SV2C: variants seen among roughly 807,000 people sequenced by gnomAD.
The protein encoded by SV2C is synaptic vesicle glycoprotein 2C.
Under a neutral mutation model 79.7 loss-of-function variants are expected in SV2C, and 49 were observed. The ratio of observed to expected loss-of-function variants is 0.61; its 90% CI spans 0.49 to 0.78. The LOEUF (loss-of-function observed/expected upper bound fraction) is 0.78. Ranked by LOEUF, SV2C falls within the 30% of genes least tolerant of loss-of-function variation. The pLI is 0.00. For synonymous variants in SV2C, 334 were observed against 333.2 expected (o/e 1.00, Z -0.03); for missense variants, 833 against 912.9 (o/e 0.91, Z 1.13).
chr5:76,178,296 A>G (rs1480002589), intron 2 of SV2C, among the ~76,000 whole-genome samples: 1 of 152,260 alleles, frequency 6.6e-6, no homozygotes, highest in Non-Finnish European at 1.5e-5. Context: ...TCATGGGAAG[A>G]GCATTGCAGA....
At chr5:76,197,517 G>C (rs989578496) in intron 3 of SV2C, among the ~76,000 whole-genome samples, 1 of 152,080 alleles carries the variant, frequency 6.6e-6, no homozygotes, top group African/African-American at 2.4e-5. Context: ...CAGGGCTGAG[G>C]GGGGAGTCAT....
the SV2C span, among the ~76,000 whole-genome samples, chr5:75,864,174 C>CT: frequency 0.014 from 2,154 of 152,116 alleles, 46 homozygotes; most frequent in African/African-American, 0.046. Flanking sequence ...GCAAAAAGTT[C>CT]TTTTTTTATA....
chr5:76,036,312 G>C, the SV2C span, among the ~76,000 whole-genome samples: 1 of 151,694 alleles, frequency 6.6e-6, no homozygotes. Context: ...TATTTTGCTC[G>C]TTAGTTGATG....
At chr5:76,211,954 T>C (rs530427444) in intron 4 of SV2C, among the ~76,000 whole-genome samples, 7 of 152,208 alleles carry the variant, frequency 4.6e-5, no homozygotes, top group Non-Finnish European at 8.8e-5. Context: ...AACATTTACA[T>C]TGAGTTCAGG....
At chr5:76,066,082 G>A in the SV2C span, among the ~76,000 whole-genome samples, 1 of 152,084 alleles carries the variant, frequency 6.6e-6, no homozygotes, top group Admixed American at 6.5e-5. Flanking sequence ...ATTTGACCCA[G>A]CCATCCCATT....
the SV2C span, among the ~76,000 whole-genome samples, chr5:76,018,848 A>T: frequency 6.6e-6 from 1 of 152,196 alleles, no homozygotes; most frequent in African/African-American, 2.4e-5. Context: ...TTCCCTGAAG[A>T]TTGGATTAAG....
the SV2C span, among the ~76,000 whole-genome samples, chr5:75,855,643 T>G: frequency 6.6e-6 from 1 of 152,188 alleles, no homozygotes; most frequent in Non-Finnish European, 1.5e-5. Context: ...ATCAGTGATC[T>G]TTTAAAATTT....
At chr5:75,910,205 A>T in the SV2C span, 1 of 369,852 alleles carries the variant, frequency 2.7e-6, no homozygotes, top group South Asian at 2.2e-5. Context: ...GGGTGGCTGA[A>T]GCAGGTGGAT....
chr5:76,214,232 A>G (rs903455868), intron 4 of SV2C, among the ~76,000 whole-genome samples: 1 of 152,122 alleles, frequency 6.6e-6, no homozygotes, highest in African/African-American at 2.4e-5. Flanking sequence ...GGAGGTTCCA[A>G]TTTCATTCTT....
intron 4 of SV2C, among the ~76,000 whole-genome samples, chr5:76,257,010 T>G (rs1746288632): frequency 6.6e-6 from 1 of 152,224 alleles, no homozygotes; most frequent in Non-Finnish European, 1.5e-5. Flanking sequence ...TTAATCTACC[T>G]CTGTATCAAA....
the SV2C span, chr5:75,911,134 A>T: frequency 6.4e-7 from 1 of 1,570,640 alleles, no homozygotes; most frequent in Non-Finnish European, 8.7e-7. Context: ...AGATGAGGAA[A>T]TAGAGAAGGA....
At chr5:76,173,929 T>C in intron 2 of SV2C, 1 of 1,582,260 alleles carries the variant, frequency 6.3e-7, no homozygotes, top group South Asian at 1.1e-5. Flanking sequence ...TGGACTGTGC[T>C]GTGATGGAAT....
At chr5:75,919,211 C>A in the SV2C span, among the ~76,000 whole-genome samples, 1 of 152,182 alleles carries the variant, frequency 6.6e-6, no homozygotes, top group African/African-American at 2.4e-5. Context: ...GCATGATGAT[C>A]CAGATTGTCT....
chr5:76,301,250 T>G lies in SV2C; in HGVS notation c.1841-136T>G, dbSNP rs934364648. On this transcript the variant is annotated intron_variant, in intron 11 of 12. Coordinates refer to ENST00000502798, the MANE Select transcript of SV2C (RefSeq NM_014979.4). ...CCTTTCATTCAGGTGAATGCACCAG[T>G]TCTTGAGCTTTATGGAGCCCATCCT... 7 of 1,166,602 alleles carry G rather than the reference T, an allele frequency of 6.0e-6. No homozygotes were observed. In the African/African-American group the frequency reaches 9.2e-5, roughly 15 times the overall value. The allele number at this position is 1,166,602 out of a possible 1,614,324, so 72.3% of individuals were successfully genotyped here.
rs1399930780 is a variant in SV2C, at chr5:76,328,236, C to G, written c.*2689C>G. ...AGGCCACTGGCACCTAAACACGCAA[C>G]TGGCATCTCATTTCGCCTACAGTAG... On this transcript the variant is annotated 3_prime_UTR_variant, in exon 13 of 13. Coordinates refer to ENST00000502798, the MANE Select transcript of SV2C (RefSeq NM_014979.4). 2 of 152,342 alleles carry G rather than the reference C, an allele frequency of 1.3e-5. No individual in the cohort carries two copies. The highest frequency in any genetic ancestry group is 1.9e-4 in the East Asian group (1 of 5,188). 9.4% of individuals were successfully genotyped at this position (152,342 alleles called of 1,614,324 possible).
At chr5:75,892,535 G>A in the SV2C span, among the ~76,000 whole-genome samples, 1,012 of 152,082 alleles carry the variant, frequency 6.7e-3, 3 homozygotes, top group African/African-American at 9.7e-3. Flanking sequence ...CTGTCAGCCA[G>A]GTAGTGAGCA....
At chr5:76,030,289 T>TA in the SV2C span, among the ~76,000 whole-genome samples, 27 of 117,910 alleles carry the variant, frequency 2.3e-4, no homozygotes, top group South Asian at 7.7e-4. Flanking sequence ...TTTTTTTTTT[T>TA]TTTATTTATT....
intron 12 of SV2C, chr5:76,311,434 C>A (rs1005689269): frequency 1.3e-5 from 2 of 152,208 alleles, no homozygotes; most frequent in African/African-American, 4.8e-5. Flanking sequence ...GCAAATGTTG[C>A]ATTCAGGAAT....
In SV2C at chr5:76,165,424, C is replaced by T. The variant is rs543702372; in HGVS notation, c.581-29495C>T. ...TTATCACATATGTAGATTTATATAA[C>T]CTCACCAGTACAACCAGGGTCCAGA... On this transcript the variant is annotated intron_variant, in intron 2 of 12. Transcript: ENST00000502798. 9.2e-5 allele frequency among the ~76,000 whole-genome samples: 14 copies of T among 152,096 alleles called. No individual in the cohort carries two copies. The East Asian group carries it at 2.7e-3, about 29-fold the overall frequency.
Sources: allele counts gnomAD v4.1 joint callset (sites outside exome capture counted in the v4.1 genomes callset), GRCh38; gene constraint gnomAD v4.1.1; transcripts MANE v1.5; gene names NCBI Gene and HGNC (gene_info 2026-07-23, HGNC 2026-07-21).